The following LRRC37A2 variants were observed in gnomAD, a reference collection of about 807,000 sequenced individuals.
The protein encoded by LRRC37A2 is leucine rich repeat containing 37 member A2, also known as leucine-rich repeat-containing protein 37A2.
In LRRC37A2, 9 loss-of-function variants were observed where a neutral mutation model predicts 68.8. That is an observed-to-expected ratio of 0.13 (90% CI 0.08 to 0.23). The LOEUF (loss-of-function observed/expected upper bound fraction) is 0.23. LRRC37A2 is among the 10% of genes least tolerant of loss of function. The probability of loss-of-function intolerance (pLI) is 1.00; values close to 1 mark genes in which losing one functional copy is unlikely to be tolerated. For missense variants in LRRC37A2, 168 were observed against 950.4 expected, an observed-to-expected ratio of 0.18 and a Z score of 10.82; for synonymous variants, 63 against 367.6, an observed-to-expected ratio of 0.17 and a Z score of 9.48.
the LRRC37A2 span, among the ~76,000 whole-genome samples, chr17:47,003,760 G>A: frequency 4.0e-5 from 6 of 151,762 alleles, no homozygotes; most frequent in South Asian, 2.1e-4. Context: ...TAGGGTACAC[G>A]TGCACAATGT....
the LRRC37A2 span, among the ~76,000 whole-genome samples, chr17:46,855,940 C>T: frequency 8.3e-4 from 127 of 152,344 alleles, no homozygotes; most frequent in African/African-American, 2.9e-3. Flanking sequence ...CCACCCACCT[C>T]AGCCTCCCAA....
downstream of LRRC37A2, among the ~76,000 whole-genome samples, chr17:46,558,185 T>G (rs1372187773): frequency 8.4e-5 from 9 of 106,772 alleles, 1 homozygote; most frequent in East Asian, 7.7e-4. Context: ...TCAGCCTCCC[T>G]AGTAGCTGGG....
the LRRC37A2 span, chr17:47,042,178 T>C: frequency 6.9e-6 from 1 of 145,888 alleles, no homozygotes; most frequent in African/African-American, 2.5e-5. Context: ...GGGAAATGAT[T>C]AGGGGAAAGA....
the LRRC37A2 span, among the ~76,000 whole-genome samples, chr17:46,818,203 G>A: frequency 1.3e-5 from 2 of 152,074 alleles, no homozygotes; most frequent in African/African-American, 2.4e-5. Context: ...GCAAGCAAAT[G>A]GGGGGTCTTC....
At chr17:46,935,812 C>T in the LRRC37A2 span, 1 of 986,032 alleles carries the variant, frequency 1.0e-6, no homozygotes, top group Non-Finnish European at 1.2e-6. Flanking sequence ...ATTACACAGA[C>T]TCTGATGTCA....
At chr17:46,929,471 G>T in the LRRC37A2 span, 1 of 917,180 alleles carries the variant, frequency 1.1e-6, no homozygotes, top group East Asian at 2.4e-5. Context: ...TGACTGAAGC[G>T]CTGTTGATTA....
chr17:46,896,433 A>AGAAT, the LRRC37A2 span, among the ~76,000 whole-genome samples: 1 of 103,442 alleles, frequency 9.7e-6, no homozygotes, highest in African/African-American at 8.4e-5. Flanking sequence ...AAAGAAAGAA[A>AGAAT]GAAAGAAAGA....
At chr17:46,798,049 C>G in the LRRC37A2 span, among the ~76,000 whole-genome samples, 1 of 152,170 alleles carries the variant, frequency 6.6e-6, no homozygotes, top group African/African-American at 2.4e-5. Flanking sequence ...CTGCCTCAGC[C>G]TCCCGAGTAG....
chr17:46,738,812 T>C, the LRRC37A2 span, among the ~76,000 whole-genome samples: 1 of 152,246 alleles, frequency 6.6e-6, no homozygotes, highest in African/African-American at 2.4e-5. Flanking sequence ...GTAAGAGAAC[T>C]AAACTGTGGT....
chr17:46,923,545 C>T, the LRRC37A2 span: 1 of 1,328,850 alleles, frequency 7.5e-7, no homozygotes, highest in Non-Finnish European at 9.6e-7. Context: ...CAACTCGGTG[C>T]TCCTGGTTGG....
chr17:46,812,202 A>G, the LRRC37A2 span, among the ~76,000 whole-genome samples: 1 of 152,136 alleles, frequency 6.6e-6, no homozygotes, highest in African/African-American at 2.4e-5. Context: ...AGAGCAGGGA[A>G]TTCCCTCTCT....
At chr17:46,864,933 G>A in the LRRC37A2 span, among the ~76,000 whole-genome samples, 1 of 152,142 alleles carries the variant, frequency 6.6e-6, no homozygotes, top group Non-Finnish European at 1.5e-5. Flanking sequence ...GACCTTAAAG[G>A]GTTTCTCCAG....
chr17:46,970,535 CAAAAAAAAA>C, the LRRC37A2 span, among the ~76,000 whole-genome samples: 1 of 51,168 alleles, frequency 2.0e-5, no homozygotes, highest in Non-Finnish European at 3.8e-5. Flanking sequence ...GACTCCATCT[CAAAAAAAAA>C]AAAAAAAAAA....
chr17:46,875,315 C>A, the LRRC37A2 span: 14 of 1,613,526 alleles, frequency 8.7e-6, no homozygotes, highest in South Asian at 5.5e-5. Flanking sequence ...AGAGAGGAAA[C>A]AAGGACCTGC....
chr17:46,923,194 T>G, the LRRC37A2 span: 14 of 1,546,228 alleles, frequency 9.1e-6, no homozygotes, highest in African/African-American at 2.7e-5. Context: ...GCCGGCGACA[T>G]GGATCCCCTG....
At chr17:47,032,403 C>A in the LRRC37A2 span, among the ~76,000 whole-genome samples, 1 of 152,016 alleles carries the variant, frequency 6.6e-6, no homozygotes, top group Non-Finnish European at 1.5e-5. Context: ...AGGTAATTTG[C>A]TAAGGTTCAC....
the LRRC37A2 span, among the ~76,000 whole-genome samples, chr17:46,981,287 CT>C: frequency 0.61 from 93,024 of 151,602 alleles, 29,150 homozygotes; most frequent in African/African-American, 0.7. Flanking sequence ...CTGTTGAAAA[CT>C]TGACCCCCAA....
chr17:46,818,541 G>T, the LRRC37A2 span: 1 of 1,608,866 alleles, frequency 6.2e-7, no homozygotes, highest in South Asian at 1.1e-5. Context: ...AGCCAGCGAG[G>T]ACCCTGGTGC....
chr17:46,803,353 G>A, the LRRC37A2 span, among the ~76,000 whole-genome samples: 1 of 152,182 alleles, frequency 6.6e-6, no homozygotes, highest in African/African-American at 2.4e-5. Flanking sequence ...TGCCAACATG[G>A]CAAAACCTTG....
Sources: gnomAD v4.1 joint callset for allele counts (sites outside exome capture counted in the v4.1 genomes callset) on GRCh38, gnomAD v4.1.1 for gene constraint, MANE v1.5 for transcripts, NCBI Gene and HGNC (gene_info 2026-07-23, HGNC 2026-07-21) for gene names.